Variants in TBCD observed in about 807,000 individuals in gnomAD.
TBCD encodes tubulin folding cofactor D.
In TBCD, 105 loss-of-function variants were observed where a neutral mutation model predicts 169.3. The observed-to-expected ratio is 0.62, with a 90% CI of 0.53 to 0.73. The LOEUF is 0.73. Among genes scored for constraint, TBCD ranks in the 30% least tolerant of loss-of-function variants. The pLI is 0.00. For synonymous variants in TBCD, 700 were observed against 643.9 expected, an observed-to-expected ratio of 1.09 and a Z score of -1.32; for missense variants, 1,444 against 1,600.1, an observed-to-expected ratio of 0.90 and a Z score of 1.66.
chr17:82,920,740 A>G lies in TBCD; in HGVS notation c.2101+122A>G. 1.1e-6 allele frequency: 1 copy of G among 917,186 alleles called. No homozygotes were observed. Among genetic ancestry groups the G allele is most frequent in the Admixed American group, 2.7e-5 (1 of 37,192 alleles). 56.8% of individuals were successfully genotyped at this position (917,186 alleles called of 1,614,324 possible). A position where few individuals can be genotyped will look rare whatever the true frequency, so the allele number is the denominator to read the frequency against. On this transcript the variant is annotated intron_variant, in intron 24 of 38. Transcript: ENST00000355528. This position sits in a 1 kb window ranked among gnomAD's most constrained non-coding sequence, Gnocchi z 4.1. The stretch of plus-strand genomic sequence containing the variant: ...TATAGCTTAAAGGTTCAAGATATTA[A>G]TCGGATACGTTGCCTTGAAGTTGTT...
Position 82,926,430 on chromosome 17 carries a change from A to C in TBCD, c.2410A>C (p.Thr804Pro), listed in dbSNP as rs2061767885. 6.2e-7 allele frequency: 1 copy of C among 1,613,790 alleles called. No homozygotes were observed. The highest frequency in any genetic ancestry group is 1.3e-5 in the African/African-American group (1 of 74,898). ...VLTGLRAVTHTSPEDVSFAES... is the reference protein window; with the variant it reads ...VLTGLRAVTHPSPEDVSFAES... The stretch of plus-strand genomic sequence containing the variant: ...CACAGGTTTAAGAGCAGTTACCCAC[A>C]CTTCCCCCGAGGACGTAAGTTTTGC... Residue 804 changes from threonine to proline, a missense_variant, in exon 28 of 39, where the codon ACT becomes CCT. Physicochemically the swap from Thr to Pro is conservative, Grantham distance 38. Transcript: ENST00000355528.
Position 82,908,001 on chromosome 17 carries a change from T to C in TBCD, c.1983+180T>C, listed in dbSNP as rs571608704. 9.2e-5 allele frequency among the ~76,000 whole-genome samples: 14 copies of C among 152,342 alleles called. No homozygotes were observed. The South Asian group carries it at 2.1e-3, about 23-fold the overall frequency. ...GGGAACAGGCTCTCTGCTGGCGTCA[T>C]GCTTGTGAACAGCCACCTTGGAGGG... is the stretch of plus-strand genomic sequence containing the variant. On this transcript the variant is annotated intron_variant, in intron 21 of 38. Transcript: ENST00000355528.
chr17:82,790,137 G>A (rs748938266), intron 7 of TBCD, among the ~76,000 whole-genome samples: 11 of 152,108 alleles, frequency 7.2e-5, no homozygotes, highest in Non-Finnish European at 1.5e-4. Context: ...CCGCTCTGCC[G>A]CCTGGTCCAG....
chr17:82,752,317 C>A lies in TBCD; in HGVS notation c.124C>A (p.Arg42Ser), dbSNP rs1451379724. The change falls in exon 1 of 39, where the codon CGC becomes AGC. Residue 42 changes from arginine (R) to serine (S), a missense_variant. Coordinates refer to ENST00000355528, the MANE Select transcript of TBCD (RefSeq NM_005993.5). ...CGCGGAGACCCGGGCGCTGCTGGGC[C>A]GCCTGCGGGAGGTGCACGGCGGCGG... ...ESAETRALLG[R>S]LREVHGGGAE... The A allele has an allele frequency of 2.0e-6, 3 of 1,482,150 alleles. No homozygotes were observed. Among genetic ancestry groups the A allele is most frequent in the Non-Finnish European group, 2.7e-6 (3 of 1,125,162 alleles). The allele number at this position is 1,482,150 out of a possible 1,614,324, so 91.8% of individuals were successfully genotyped here.
intron 13 of TBCD, among the ~76,000 whole-genome samples, chr17:82,857,714 A>C (rs913478721): frequency 1.3e-5 from 2 of 151,518 alleles, no homozygotes; most frequent in Non-Finnish European, 2.9e-5. Flanking sequence ...GGAGCCATAC[A>C]AATGATACAA....
chr17:82,863,521 G>T (rs1051277667), intron 13 of TBCD, among the ~76,000 whole-genome samples: 2 of 152,230 alleles, frequency 1.3e-5, no homozygotes, highest in African/African-American at 4.8e-5. Context: ...TCACAATAAT[G>T]TTGCACCTAC....
intron 18 of TBCD, among the ~76,000 whole-genome samples, chr17:82,902,722 G>A (rs1389545511): frequency 6.6e-6 from 1 of 152,214 alleles, no homozygotes; most frequent in African/African-American, 2.4e-5. Flanking sequence ...CCTTCTGCAT[G>A]TTTTCACCTT....
chr17:82,869,903 CCTT>C (rs2057436176), intron 13 of TBCD, among the ~76,000 whole-genome samples: 1 of 152,216 alleles, frequency 6.6e-6, no homozygotes, highest in Non-Finnish European at 1.5e-5. Context: ...AGCTGCGTTT[CCTT>C]GAGTCTCCTC....
Position 82,752,100 on chromosome 17 carries a change from T to A in TBCD, c.-94T>A. 4 of 1,328,460 alleles carry A rather than the reference T, an allele frequency of 3.0e-6. No individual in the cohort carries two copies. The highest frequency in any genetic ancestry group is 9.7e-7 in the Non-Finnish European group (1 of 1,028,182). The allele number at this position is 1,328,460 out of a possible 1,614,324, so 82.3% of individuals were successfully genotyped here. On this transcript the variant is annotated 5_prime_UTR_variant, in exon 1 of 39. Coordinates refer to ENST00000355528, the MANE Select transcript of TBCD (RefSeq NM_005993.5). ...GTTGCCGCCTTAGCGGGCGCCTCCT[T>A]TTCATCCCTCATCCTTCATCCCTGG...
intron 13 of TBCD, among the ~76,000 whole-genome samples, chr17:82,852,249 T>A (rs1379411890): frequency 1.3e-5 from 2 of 150,420 alleles, no homozygotes; most frequent in Admixed American, 6.6e-5. Flanking sequence ...TGGTCCTCTG[T>A]GGTGGCTCCT....
intron 6 of TBCD, among the ~76,000 whole-genome samples, chr17:82,777,482 A>AG (rs1290426644): frequency 6.6e-6 from 1 of 152,216 alleles, no homozygotes; most frequent in Non-Finnish European, 1.5e-5. Flanking sequence ...TACAAGACAA[A>AG]GGGGCAGTGT....
At chr17:82,879,573 G>T (rs937465309) in intron 14 of TBCD, among the ~76,000 whole-genome samples, 4 of 152,110 alleles carry the variant, frequency 2.6e-5, no homozygotes, top group Non-Finnish European at 4.4e-5. Flanking sequence ...CAAGTCTGCC[G>T]GTTCCCTCTG....
intron 7 of TBCD, among the ~76,000 whole-genome samples, chr17:82,784,276 T>TA (rs2049147709): frequency 6.6e-6 from 1 of 152,234 alleles, no homozygotes; most frequent in Non-Finnish European, 1.5e-5. Context: ...ATACCTGTCG[T>TA]ACTGATGAAA....
intron 13 of TBCD, among the ~76,000 whole-genome samples, chr17:82,843,079 C>T (rs751257036): frequency 5.9e-5 from 9 of 152,120 alleles, no homozygotes; most frequent in Non-Finnish European, 1.2e-4. Context: ...CACACCCGGC[C>T]GCAAGTGTTC....
chr17:82,905,133 G>C (rs1020562765), intron 19 of TBCD, among the ~76,000 whole-genome samples: 1 of 152,192 alleles, frequency 6.6e-6, no homozygotes, highest in Non-Finnish European at 1.5e-5. Flanking sequence ...AGCAAACTCA[G>C]AGTAGAGGCA....
chr17:82,802,318 C>T (rs141012098), intron 9 of TBCD, among the ~76,000 whole-genome samples: 8 of 152,076 alleles, frequency 5.3e-5, no homozygotes, highest in African/African-American at 1.9e-4. Context: ...TGGTTAAGGT[C>T]AGCTCACACT....
chr17:82,927,292 A>G lies in TBCD; in HGVS notation c.2578A>G (p.Thr860Ala), dbSNP rs1007785642. 1.2e-6 allele frequency: 2 copies of G among 1,614,008 alleles called. No homozygotes were observed. Among genetic ancestry groups the G allele is most frequent in the Admixed American group, 3.3e-5 (2 of 60,016 alleles). ...GCTGCTGGGCTGCATGGACGACTAC[A>G]CCACGGACAGCAGAGGGGACGTGGG... is the stretch of plus-strand genomic sequence containing the variant. ...CALLGCMDDYTTDSRGDVGTW... is the reference protein window; with the variant it reads ...CALLGCMDDYATDSRGDVGTW... The change falls in exon 29 of 39, where the codon ACC becomes GCC. Residue 860 changes from threonine to alanine, a missense_variant. Coordinates refer to ENST00000355528, the MANE Select transcript of TBCD (RefSeq NM_005993.5).
intron 2 of TBCD, among the ~76,000 whole-genome samples, chr17:82,761,998 G>T (rs550604129): frequency 6.6e-6 from 1 of 151,544 alleles, no homozygotes; most frequent in Admixed American, 6.6e-5. Flanking sequence ...AAGTGCTGGG[G>T]TTGTTTCTTC....
chr17:82,925,762 G>A (rs1313184595), intron 27 of TBCD, among the ~76,000 whole-genome samples: 1 of 152,192 alleles, frequency 6.6e-6, no homozygotes, highest in Non-Finnish European at 1.5e-5. Flanking sequence ...TGTGAAACAG[G>A]ATCACTTGGA....
Sources: gnomAD v4.1 joint callset for allele counts (sites outside exome capture counted in the v4.1 genomes callset) on GRCh38, gnomAD v4.1.1 for gene constraint, Gnocchi (gnomAD v3.1) non-coding constraint, MANE v1.5 for transcripts, NCBI Gene and HGNC (gene_info 2026-07-23, HGNC 2026-07-21) for gene names.